The following CNOT6 variants were observed in gnomAD, a reference collection of about 807,000 sequenced individuals.
CNOT6 encodes the protein CCR4-NOT transcription complex subunit 6.
CNOT6 carries 12 observed loss-of-function variants against 61.2 expected under a neutral mutation model. The observed-to-expected ratio is 0.20, with a 90% confidence interval of 0.13 to 0.32. The LOEUF is 0.32. Among genes scored for constraint, CNOT6 ranks in the 10% least tolerant of loss-of-function variants. The probability of loss-of-function intolerance (pLI) is 1.00; values close to 1 mark genes in which losing one functional copy is unlikely to be tolerated. For synonymous variants in CNOT6, 225 were observed against 240.6 expected (o/e 0.94, Z 0.60); for missense variants, 405 against 663.9 (o/e 0.61, Z 4.28).
chr5:180,526,591 T>G (rs1366460008), intron 1 of CNOT6, among the ~76,000 whole-genome samples: 1 of 152,000 alleles, frequency 6.6e-6, no homozygotes, highest in Non-Finnish European at 1.5e-5. Flanking sequence ...GACTAGGAAT[T>G]TACAGTATTA....
intron 2 of CNOT6, among the ~76,000 whole-genome samples, chr5:180,530,238 C>T (rs1758289203): frequency 1.3e-5 from 2 of 152,178 alleles, no homozygotes; most frequent in East Asian, 1.9e-4. Context: ...ACATACTGAG[C>T]ATATGCTGTG....
intron 1 of CNOT6, among the ~76,000 whole-genome samples, chr5:180,521,274 C>T (rs1757867714): frequency 6.6e-6 from 1 of 152,142 alleles, no homozygotes; most frequent in Non-Finnish European, 1.5e-5. Context: ...ACTGGTTAGT[C>T]ATTTACGACA....
At chr5:180,548,116 T>C (rs1324058062) in intron 2 of CNOT6, among the ~76,000 whole-genome samples, 1 of 152,182 alleles carries the variant, frequency 6.6e-6, no homozygotes, top group Non-Finnish European at 1.5e-5. Flanking sequence ...TGTAATACCT[T>C]GAGATACAAT....
chr5:180,565,257 G>A (rs1027865739), intron 6 of CNOT6, among the ~76,000 whole-genome samples: 4 of 152,202 alleles, frequency 2.6e-5, no homozygotes, highest in African/African-American at 7.2e-5. Flanking sequence ...TGACACTACC[G>A]AGTTATAAGA....
At chr5:180,537,427 T>C (rs1294019403) in intron 2 of CNOT6, among the ~76,000 whole-genome samples, 2 of 152,202 alleles carry the variant, frequency 1.3e-5, no homozygotes, top group African/African-American at 4.8e-5. Context: ...TATATCTGCT[T>C]TGGTTAGGTG....
At chr5:180,531,273 T>C (rs148248587) in intron 2 of CNOT6, among the ~76,000 whole-genome samples, 68,123 of 145,200 alleles carry the variant, frequency 0.47, 16,724 homozygotes, top group Middle Eastern at 0.58. Context: ...TCAGACGGGG[T>C]GGCCGGTCAG....
intron 1 of CNOT6, among the ~76,000 whole-genome samples, chr5:180,509,562 A>G (rs1271100781): frequency 1.3e-5 from 2 of 149,324 alleles, no homozygotes; most frequent in Non-Finnish European, 3.0e-5. Flanking sequence ...GATTACAGGC[A>G]TGCGCCACCA....
chr5:180,570,959 C>T (rs953387756), intron 10 of CNOT6, among the ~76,000 whole-genome samples: 2 of 152,046 alleles, frequency 1.3e-5, no homozygotes, highest in Non-Finnish European at 2.9e-5. Flanking sequence ...AATAAGTAAC[C>T]AGTAAATATT....
chr5:180,542,327 C>T (rs1184304924), intron 2 of CNOT6, among the ~76,000 whole-genome samples: 2 of 151,342 alleles, frequency 1.3e-5, no homozygotes, highest in African/African-American at 4.9e-5. Flanking sequence ...TGCAGTGGTG[C>T]AATCTCGGCT....
chr5:180,525,275 G>A (rs949922363), intron 1 of CNOT6, among the ~76,000 whole-genome samples: 1 of 152,252 alleles, frequency 6.6e-6, no homozygotes, highest in South Asian at 2.1e-4. Context: ...GGTGGCTCAT[G>A]CCTCTAATCT....
Position 180,543,828 on chromosome 5 carries a change from T to G in CNOT6, c.113-6103T>G, listed in dbSNP as rs192066041. On this transcript the variant is annotated intron_variant, in intron 2 of 11. Transcript: ENST00000261951. ...TATTTTTAATATGACTTTTTTTTTT[T>G]GAGAGGGAGTCTTGCTCTGTTGCCC... 5.5e-3 allele frequency among the ~76,000 whole-genome samples: 838 copies of G among 152,278 alleles called. 4 individuals carry two copies. Among genetic ancestry groups the G allele is most frequent in the Middle Eastern group, 0.027 (8 of 294 alleles).
At chr5:180,560,289 A>G (rs1338854475) in intron 4 of CNOT6, among the ~76,000 whole-genome samples, 1 of 151,944 alleles carries the variant, frequency 6.6e-6, no homozygotes, top group Non-Finnish European at 1.5e-5. Flanking sequence ...ACTTAAGGAA[A>G]TCTCGTATTT....
intron 9 of CNOT6, among the ~76,000 whole-genome samples, chr5:180,568,534 A>G (rs1760582207): frequency 6.6e-6 from 1 of 151,726 alleles, no homozygotes; most frequent in Non-Finnish European, 1.5e-5. Flanking sequence ...CCTGGGTGAC[A>G]GAGTGAGACT....
intron 2 of CNOT6, among the ~76,000 whole-genome samples, chr5:180,532,533 A>G (rs1168859839): frequency 6.6e-6 from 1 of 152,082 alleles, no homozygotes; most frequent in East Asian, 1.9e-4. Flanking sequence ...TCACACCACC[A>G]CAGTCATCAA....
intron 2 of CNOT6, among the ~76,000 whole-genome samples, chr5:180,542,422 A>G (rs1759096365): frequency 6.6e-6 from 1 of 151,378 alleles, no homozygotes; most frequent in Non-Finnish European, 1.5e-5. Context: ...GCGCCACCAC[A>G]CCCAGCTAAT....
intron 1 of CNOT6, among the ~76,000 whole-genome samples, chr5:180,510,134 C>CTTTTTTTTTTTTTTTATTTTTTTTT (rs1757320586): frequency 2.7e-5 from 1 of 37,368 alleles, no homozygotes; most frequent in Non-Finnish European, 4.8e-5. Flanking sequence ...GTCTGTAAAC[C>CTTTTTTTTTTTTTTTATTTTTTTTT]TTTTTTTTTT....
intron 2 of CNOT6, among the ~76,000 whole-genome samples, chr5:180,532,764 G>A (rs982165061): frequency 6.6e-6 from 1 of 152,162 alleles, no homozygotes; most frequent in Admixed American, 6.5e-5. Flanking sequence ...CTTCAGGTTG[G>A]GGTTCCCACG....
chr5:180,558,069 C>T (rs977925889), intron 4 of CNOT6, among the ~76,000 whole-genome samples: 5 of 152,136 alleles, frequency 3.3e-5, no homozygotes, highest in African/African-American at 1.2e-4. Flanking sequence ...ATCTATGTGT[C>T]CATCCTTCCG....
chr5:180,567,796 C>A, intron 8 of CNOT6, 53 bp from the exon 9 acceptor site: 1 of 1,612,310 alleles, frequency 6.2e-7, no homozygotes, highest in Middle Eastern at 1.7e-4. Context: ...ACAAAGCTAA[C>A]CTCTTGGTAT....
Sources: allele counts gnomAD v4.1 joint callset (sites outside exome capture counted in the v4.1 genomes callset), GRCh38; gene constraint gnomAD v4.1.1; transcripts MANE v1.5; gene names NCBI Gene and HGNC (gene_info 2026-07-23, HGNC 2026-07-21).